The following GPR141 variants were observed in gnomAD, a reference collection of about 807,000 sequenced individuals.
The protein encoded by GPR141 is probable G protein-coupled receptor 141.
GPR141 carries 6 observed loss-of-function variants against 6.8 expected under a neutral mutation model. That is an observed-to-expected ratio of 0.88 (90% CI 0.48 to 1.74). The LOEUF (loss-of-function observed/expected upper bound fraction) is 1.74, where lower values mean the gene tolerates loss of function less well. Ranked by LOEUF, GPR141 falls within the 40% of genes most tolerant of loss-of-function variation. The pLI is 0.01. For missense variants in GPR141, 372 were observed against 372.9 expected, an observed-to-expected ratio of 1.00 and a Z score of 0.02; for synonymous variants, 140 against 142.3, an observed-to-expected ratio of 0.98 and a Z score of 0.11.
At chr7:37,705,541 G>T (rs1183030027) in intron 2 of GPR141, among the ~76,000 whole-genome samples, 4 of 152,090 alleles carry the variant, frequency 2.6e-5, no homozygotes, top group African/African-American at 9.7e-5. Context: ...ATTGCTTGCT[G>T]GCCTCTTCTC....
chr7:37,693,715 ACT>A (rs1809888078), intron 2 of GPR141, among the ~76,000 whole-genome samples: 1 of 151,768 alleles, frequency 6.6e-6, no homozygotes. Flanking sequence ...CACAACAATG[ACT>A]CTACTCCCTG....
intron 2 of GPR141, among the ~76,000 whole-genome samples, chr7:37,718,477 A>T (rs372202519): frequency 6.6e-6 from 1 of 151,642 alleles, no homozygotes; most frequent in Non-Finnish European, 1.5e-5. Context: ...GAACCACTGC[A>T]CTCCAGCCTG....
chr7:37,691,656 C>T (rs1435240132), intron 2 of GPR141, among the ~76,000 whole-genome samples: 2 of 152,032 alleles, frequency 1.3e-5, no homozygotes, highest in African/African-American at 2.4e-5. Flanking sequence ...TGATGATTGT[C>T]GTTTTGCTTT....
At chr7:37,704,788 C>T (rs987113057) in intron 2 of GPR141, among the ~76,000 whole-genome samples, 2 of 152,172 alleles carry the variant, frequency 1.3e-5, no homozygotes, top group African/African-American at 2.4e-5. Context: ...TGCTTTTATA[C>T]TCATTTACTC....
At chr7:37,699,927 C>T (rs1200114154) in intron 2 of GPR141, among the ~76,000 whole-genome samples, 2 of 152,324 alleles carry the variant, frequency 1.3e-5, no homozygotes, top group Non-Finnish European at 2.9e-5. Context: ...ACAACTGGAT[C>T]TTGTGAGGCC....
intron 2 of GPR141, among the ~76,000 whole-genome samples, chr7:37,721,546 TGTG>T (rs1811328887): frequency 1.3e-5 from 2 of 152,226 alleles, no homozygotes; most frequent in Non-Finnish European, 2.9e-5. Flanking sequence ...CCTTTGGTGG[TGTG>T]GTGTTTTCCA....
chr7:37,695,286 C>G (rs185600173), intron 2 of GPR141, among the ~76,000 whole-genome samples: 3 of 152,290 alleles, frequency 2.0e-5, no homozygotes, highest in Admixed American at 6.5e-5. Context: ...TGGAGCAAGA[C>G]ACACTCCAAC....
chr7:37,691,707 G>A (rs551967398), intron 2 of GPR141, among the ~76,000 whole-genome samples: 3 of 152,164 alleles, frequency 2.0e-5, no homozygotes, highest in Non-Finnish European at 4.4e-5. Flanking sequence ...TAAGGCTGGT[G>A]AGTGGTAGTA....
chr7:37,702,984 T>C (rs1284711293), intron 2 of GPR141, among the ~76,000 whole-genome samples: 1 of 152,062 alleles, frequency 6.6e-6, no homozygotes, highest in Non-Finnish European at 1.5e-5. Flanking sequence ...CATTTCTTCC[T>C]TTATTATTTG....
At chr7:37,737,804 T>A (rs1017482117) in intron 2 of GPR141, among the ~76,000 whole-genome samples, 1 of 152,094 alleles carries the variant, frequency 6.6e-6, no homozygotes, top group Non-Finnish European at 1.5e-5. Flanking sequence ...GCACTCTAGA[T>A]GCAAAAAGTC....
intron 2 of GPR141, among the ~76,000 whole-genome samples, chr7:37,705,787 C>G (rs1244902986): frequency 6.6e-6 from 1 of 152,148 alleles, no homozygotes; most frequent in South Asian, 2.1e-4. Flanking sequence ...GTGAGAACCA[C>G]GTGTCACTAT....
intron 2 of GPR141, among the ~76,000 whole-genome samples, chr7:37,688,665 C>T (rs1341631865): frequency 6.6e-6 from 1 of 152,130 alleles, no homozygotes; most frequent in Non-Finnish European, 1.5e-5. Context: ...CTTCTCCGCA[C>T]AGGTTAAGCC....
In GPR141 at chr7:37,739,615, A is replaced by G. The variant is rs77457817; in HGVS notation, c.-14-765A>G. Among the ~76,000 whole-genome samples, 483 of 152,330 alleles carry G rather than the reference A, an allele frequency of 3.2e-3. 15 individuals carry two copies. In the East Asian group the frequency reaches 0.057, roughly 18 times the overall value. ...CAGCAAGCAATGAATAAGAATATGG[A>G]GAATGAATTAGAAAGGACTGAGAGT... On this transcript the variant is annotated intron_variant, in intron 2 of 2. Coordinates refer to ENST00000334425, the MANE Select transcript of GPR141 (RefSeq NM_001381946.1).
In GPR141 at chr7:37,740,988, T is replaced by C. The variant is rs1204482242; in HGVS notation, c.595T>C (p.Phe199Leu). 6.2e-7 allele frequency: 1 copy of C among 1,614,046 alleles called. No homozygotes were observed. Residue 199 changes from phenylalanine to leucine, a missense_variant, in exon 3 of 3, where the codon TTC (phenylalanine) becomes CTC (leucine). By Grantham distance (22) the Phe-to-Leu change is conservative (BLOSUM62 0). Coordinates refer to ENST00000334425, the MANE Select transcript of GPR141 (RefSeq NM_001381946.1). ...VIAVAVILLV[F>L]QVFIIMLMVQ... is the part of the protein sequence containing the mutation. ...AGCCGTTGCTGTGATTCTGTTGGTC[T>C]TCCAGGTCTTCATCATTATGTTGAT...
At chr7:37,687,351 A>G (rs1324201427) in intron 2 of GPR141, among the ~76,000 whole-genome samples, 1 of 152,128 alleles carries the variant, frequency 6.6e-6, no homozygotes, top group Non-Finnish European at 1.5e-5. Flanking sequence ...CTTTGTATAT[A>G]GTTGGTGTCA....
In GPR141 at chr7:37,712,553, G is replaced by A. The variant is rs116702586; in HGVS notation, c.-15+26970G>A. ...TCTGTTTCTCCAGGTAATACCTCAG[G>A]TCAAGAACACCAGGTCATGAATCAA... On this transcript the variant is annotated intron_variant, in intron 2 of 2. Transcript: ENST00000334425. Among the ~76,000 whole-genome samples the A allele has an allele frequency of 3.7e-3, 564 of 152,192 alleles. 3 individuals are homozygous for A. The highest frequency in any genetic ancestry group is 0.013 in the African/African-American group (544 of 41,510).
chr7:37,716,896 G>T (rs1811075154), intron 2 of GPR141, among the ~76,000 whole-genome samples: 1 of 152,336 alleles, frequency 6.6e-6, no homozygotes, highest in South Asian at 2.1e-4. Context: ...TTTGTTTCTA[G>T]GTATTAAGGG....
chr7:37,689,511 A>G (rs772275700), intron 2 of GPR141, among the ~76,000 whole-genome samples: 6 of 152,124 alleles, frequency 3.9e-5, no homozygotes, highest in Non-Finnish European at 8.8e-5. Flanking sequence ...CAGCAAAGTC[A>G]TGAGGTCTTG....
chr7:37,740,470 T>C lies in GPR141; in HGVS notation c.77T>C (p.Ile26Thr). Residue 26 changes from isoleucine (I) to threonine (T), a missense_variant, in exon 3 of 3, where the codon ATA becomes ACA. Transcript: ENST00000334425. ...CCCCACTTAATCAGCCTCTACTTCATAGTGCTTATTGGCGGGCTGGTGGGT... is the reference window on the plus strand; with the variant it reads ...CCCCACTTAATCAGCCTCTACTTCACAGTGCTTATTGGCGGGCTGGTGGGT... ...VTPHLISLYFIVLIGGLVGVI... is the reference protein window; with the variant it reads ...VTPHLISLYFTVLIGGLVGVI... The C allele has an allele frequency of 6.2e-7, 1 of 1,614,056 alleles. No homozygotes were observed. Among genetic ancestry groups the C allele is most frequent in the Non-Finnish European group, 8.5e-7 (1 of 1,179,928 alleles).
Sources: allele counts gnomAD v4.1 joint callset (sites outside exome capture counted in the v4.1 genomes callset), GRCh38; gene constraint gnomAD v4.1.1; transcripts MANE v1.5; gene names NCBI Gene and HGNC (gene_info 2026-07-23, HGNC 2026-07-21).